RIMS2: variants seen among roughly 807,000 people sequenced by gnomAD.
RIMS2 encodes regulating synaptic membrane exocytosis 2.
A neutral mutation model predicts 174.4 loss-of-function variants in RIMS2; 59 were observed. That is an observed-to-expected ratio of 0.34 (90% CI 0.27 to 0.42). The LOEUF is 0.42. Ranked by LOEUF, RIMS2 falls within the 10% of genes least tolerant of loss-of-function variation. The pLI is 1.00. For synonymous variants in RIMS2, 606 were observed against 572.5 expected (o/e 1.06, Z -0.84); for missense variants, 1,620 against 1,666.3 (o/e 0.97, Z 0.48).
intron 3 of RIMS2, among the ~76,000 whole-genome samples, chr8:103,794,448 A>G (rs1345027149): frequency 6.6e-6 from 1 of 152,234 alleles, no homozygotes; most frequent in Admixed American, 6.5e-5. Context: ...TGGATTAAAG[A>G]CTTAAATGTT....
At chr8:104,132,455 C>G (rs1042206664) in intron 19 of RIMS2, among the ~76,000 whole-genome samples, 5 of 152,082 alleles carry the variant, frequency 3.3e-5, no homozygotes, top group Non-Finnish European at 7.4e-5. Context: ...GTACTTATTA[C>G]CTAAATTTGC....
chr8:103,759,399 A>G (rs2098079506), intron 2 of RIMS2, among the ~76,000 whole-genome samples: 1 of 151,920 alleles, frequency 6.6e-6, no homozygotes, highest in Admixed American at 6.6e-5. Context: ...CCCTTTCTCT[A>G]CTAAAAATAC....
intron 19 of RIMS2, among the ~76,000 whole-genome samples, chr8:104,182,681 T>C (rs1180610659): frequency 6.6e-6 from 1 of 151,770 alleles, no homozygotes; most frequent in African/African-American, 2.4e-5. Flanking sequence ...GCATAATTAT[T>C]GCACATCTCA....
intron 1 of RIMS2, among the ~76,000 whole-genome samples, chr8:103,537,900 T>C (rs1250461040): frequency 2.6e-5 from 4 of 152,138 alleles, no homozygotes; most frequent in Non-Finnish European, 5.9e-5. Flanking sequence ...ACAGTAATCC[T>C]GTGCCTCTCT....
At chr8:103,622,298 A>G (rs2095654114) in intron 1 of RIMS2, among the ~76,000 whole-genome samples, 1 of 152,172 alleles carries the variant, frequency 6.6e-6, no homozygotes, top group African/African-American at 2.4e-5. Context: ...TTTCAGCATC[A>G]TCACTATAAG....
intron 8 of RIMS2, among the ~76,000 whole-genome samples, chr8:103,917,033 T>C (rs899326858): frequency 1.6e-4 from 24 of 152,208 alleles, no homozygotes; most frequent in Admixed American, 1.3e-3. Flanking sequence ...TTTATACCTC[T>C]GTTTTATAAT....
At chr8:103,888,625 A>G (rs1410837544) in intron 4 of RIMS2, among the ~76,000 whole-genome samples, 9 of 151,628 alleles carry the variant, frequency 5.9e-5, no homozygotes, top group African/African-American at 2.2e-4. Context: ...AAATGTATCA[A>G]TTCAGTGCTT....
chr8:103,748,359 C>T (rs1015066530), intron 2 of RIMS2, among the ~76,000 whole-genome samples: 9 of 151,872 alleles, frequency 5.9e-5, no homozygotes, highest in African/African-American at 1.9e-4. Flanking sequence ...GTGGGAGGAT[C>T]GCTTGAACCT....
chr8:103,792,161 A>G (rs1436443107), intron 3 of RIMS2, among the ~76,000 whole-genome samples: 1 of 152,184 alleles, frequency 6.6e-6, no homozygotes, highest in Non-Finnish European at 1.5e-5. Context: ...AACTGACCAC[A>G]TCGTTGGAAG....
At chr8:104,080,963 A>G (rs2097406429) in intron 19 of RIMS2, among the ~76,000 whole-genome samples, 1 of 152,064 alleles carries the variant, frequency 6.6e-6, no homozygotes, top group South Asian at 2.1e-4. Flanking sequence ...ACATCTCTAT[A>G]GCACTAGGCC....
chr8:103,527,495 T>C (rs1834642390), intron 1 of RIMS2, among the ~76,000 whole-genome samples: 1 of 152,110 alleles, frequency 6.6e-6, no homozygotes, highest in African/African-American at 2.4e-5. Flanking sequence ...CATGCATTAA[T>C]TCATCATTTC....
At chr8:103,699,955 A>G (rs867101830) in intron 2 of RIMS2, among the ~76,000 whole-genome samples, 16 of 152,232 alleles carry the variant, frequency 1.1e-4, no homozygotes, top group Middle Eastern at 6.8e-3. Context: ...TATGCCTCAA[A>G]TTCTTTGGAA....
chr8:104,167,783 T>C (rs1165518134), intron 19 of RIMS2, among the ~76,000 whole-genome samples: 1 of 152,178 alleles, frequency 6.6e-6, no homozygotes, highest in Non-Finnish European at 1.5e-5. Flanking sequence ...TCCAGTGTTG[T>C]GTTCTAGAGT....
At chr8:103,831,566 T>C (rs2098826207) in intron 3 of RIMS2, among the ~76,000 whole-genome samples, 1 of 152,206 alleles carries the variant, frequency 6.6e-6, no homozygotes, top group South Asian at 2.1e-4. Flanking sequence ...CACCTTACTT[T>C]GCTTCCTTTG....
intron 2 of RIMS2, among the ~76,000 whole-genome samples, chr8:103,752,966 A>T (rs960969965): frequency 5.3e-5 from 8 of 151,840 alleles, no homozygotes; most frequent in African/African-American, 1.9e-4. Context: ...AACTTCCAAC[A>T]CTATGTTGAA....
chr8:103,797,930 T>A (rs1174214510), intron 3 of RIMS2, among the ~76,000 whole-genome samples: 2 of 152,160 alleles, frequency 1.3e-5, no homozygotes, highest in Non-Finnish European at 2.9e-5. Flanking sequence ...CTCAAAAGTA[T>A]CCTGGGGTTG....
At chr8:103,764,677 T>C (rs576380188) in intron 2 of RIMS2, among the ~76,000 whole-genome samples, 25 of 152,162 alleles carry the variant, frequency 1.6e-4, no homozygotes, top group Non-Finnish European at 3.1e-4. Flanking sequence ...CATACATATA[T>C]TGATATTATT....
intron 14 of RIMS2, among the ~76,000 whole-genome samples, chr8:103,950,690 A>G (rs1381085341): frequency 6.6e-6 from 1 of 152,178 alleles, no homozygotes; most frequent in Non-Finnish European, 1.5e-5. Context: ...TTGGTAAAAG[A>G]CTGCATTCTT....
chr8:103,670,177 G>A (rs1453801168), intron 1 of RIMS2, among the ~76,000 whole-genome samples: 2 of 152,250 alleles, frequency 1.3e-5, no homozygotes, highest in Non-Finnish European at 2.9e-5. Flanking sequence ...TGCAGCCATA[G>A]CCCAAGCTGT....
Sources: gnomAD v4.1 joint callset for allele counts (sites outside exome capture counted in the v4.1 genomes callset) on GRCh38, gnomAD v4.1.1 for gene constraint, MANE v1.5 for transcripts, NCBI Gene and HGNC (gene_info 2026-07-23, HGNC 2026-07-21) for gene names.